The following MYT1L variants were observed in gnomAD, a reference collection of about 807,000 sequenced individuals.
MYT1L encodes myelin transcription factor 1-like protein.
In MYT1L, 12 loss-of-function variants were observed where a neutral mutation model predicts 126.7. That is an observed-to-expected ratio of 0.09 (90% confidence interval 0.06 to 0.15). The LOEUF is 0.15. Among genes scored for constraint, MYT1L ranks in the 10% least tolerant of loss-of-function variants. MYT1L has a pLI of 1.00. For missense variants in MYT1L, 979 were observed against 1,585.2 expected, an observed-to-expected ratio of 0.62 and a Z score of 6.49; for synonymous variants, 541 against 604.2, an observed-to-expected ratio of 0.90 and a Z score of 1.53.
chr2:1,994,018 C>T (rs1333368080), intron 5 of MYT1L, among the ~76,000 whole-genome samples: 3 of 152,198 alleles, frequency 2.0e-5, no homozygotes, highest in African/African-American at 7.2e-5. Context: ...CCTTTGCCCA[C>T]CTTATCTGTC....
At position 1,983,520 on chromosome 2, in the gene MYT1L, C is replaced by G. The variant is rs374218793; in HGVS notation, c.1-3743G>C. ...GGTTTTCATTTTCTAATGTGTGCAC[C>G]TGATGGTGTGTGGTCCTAAGGCAGC... On this transcript the variant is annotated intron_variant, in intron 5 of 24. Coordinates refer to ENST00000647738, the MANE Select transcript of MYT1L (RefSeq NM_001303052.2). 3.3e-5 allele frequency among the ~76,000 whole-genome samples: 5 copies of G among 152,190 alleles called. No individual in the cohort carries two copies. In the East Asian group the frequency reaches 9.6e-4, roughly 29 times the overall value.
At chr2:2,212,504 A>G (rs749803594) in intron 2 of MYT1L, among the ~76,000 whole-genome samples, 1 of 152,236 alleles carries the variant, frequency 6.6e-6, no homozygotes, top group Non-Finnish European at 1.5e-5. Flanking sequence ...ATTTTTGTTA[A>G]TTTAGTACAC....
chr2:2,055,773 A>C (rs2069447954), intron 3 of MYT1L, among the ~76,000 whole-genome samples: 1 of 152,250 alleles, frequency 6.6e-6, no homozygotes, highest in South Asian at 2.1e-4. Context: ...TTTTGCTTTC[A>C]TAAAATATTA....
At position 1,912,302 on chromosome 2, in the gene MYT1L, C is replaced by A. The variant is rs149948623; in HGVS notation, c.1619-192G>T. ...TTGACTGGACCCTACGGACCCTACA[C>A]GAAAGGCCAGAGAAAGAAGGTTGAC... On this transcript the variant is annotated intron_variant, in intron 11 of 24. Transcript: ENST00000647738. This position sits in a 1 kb window ranked among gnomAD's most constrained non-coding sequence, Gnocchi z 4.3. Among the ~76,000 whole-genome samples the A allele has an allele frequency of 6.6e-6, 1 of 152,066 alleles. No individual in the cohort carries two copies. The highest frequency in any genetic ancestry group is 2.4e-5 in the African/African-American group (1 of 41,394).
chr2:2,100,227 A>G (rs13019515), intron 3 of MYT1L, among the ~76,000 whole-genome samples: 40,805 of 151,974 alleles, frequency 0.27, 6,021 homozygotes, highest in African/African-American at 0.38. Flanking sequence ...TGGTTGAGAA[A>G]AAGCAAGAAT....
At chr2:2,314,575 G>A (rs1256531086) in intron 1 of MYT1L, among the ~76,000 whole-genome samples, 2 of 152,108 alleles carry the variant, frequency 1.3e-5, no homozygotes, top group Non-Finnish European at 2.9e-5. Flanking sequence ...TTAATTTTAA[G>A]TTCTGGGATA....
chr2:2,283,381 G>A (rs1478995647), intron 2 of MYT1L, among the ~76,000 whole-genome samples: 1 of 152,172 alleles, frequency 6.6e-6, no homozygotes, highest in Non-Finnish European at 1.5e-5. Flanking sequence ...CTGGCAGTTT[G>A]ACGTTAATGC....
rs529513242 is a variant in MYT1L at position 1,806,991 on chromosome 2, C to T, written c.3172+2085G>A. Reference sequence around the variant, plus strand: ...GCACTGCTCCGTAATAACTAGAAAGCGAAAGTTGGCTATCCTGGTGTCTCA... The same window carrying T: ...GCACTGCTCCGTAATAACTAGAAAGTGAAAGTTGGCTATCCTGGTGTCTCA... On this transcript the variant is annotated intron_variant, in intron 22 of 24. Transcript: ENST00000647738. The surrounding 1 kb of genome is among the most constrained non-coding windows in gnomAD (Gnocchi z 4.9). Among the ~76,000 whole-genome samples the T allele has an allele frequency of 7.6e-4, 115 of 152,294 alleles. No homozygotes were observed. Among genetic ancestry groups the T allele is most frequent in the African/African-American group, 2.4e-3 (101 of 41,574 alleles).
intron 9 of MYT1L, among the ~76,000 whole-genome samples, chr2:1,926,475 C>G (rs1031386378): frequency 6.6e-6 from 1 of 152,108 alleles, no homozygotes; most frequent in African/African-American, 2.4e-5. Context: ...ATTTTCTGGG[C>G]CAGTCTGGGG....
At chr2:2,306,693 A>G (rs1171244531) in intron 1 of MYT1L, among the ~76,000 whole-genome samples, 1 of 152,142 alleles carries the variant, frequency 6.6e-6, no homozygotes, top group Admixed American at 6.6e-5. Context: ...GGTCCCTCAA[A>G]TGATGGTGCT....
chr2:2,183,015 G>A (rs1023996238), intron 2 of MYT1L, among the ~76,000 whole-genome samples: 1 of 152,178 alleles, frequency 6.6e-6, no homozygotes, highest in Non-Finnish European at 1.5e-5. Context: ...GAGGTTTTCC[G>A]AGGAGCAGCA....
intron 3 of MYT1L, among the ~76,000 whole-genome samples, chr2:2,170,905 T>C (rs2089957543): frequency 6.6e-6 from 1 of 152,194 alleles, no homozygotes; most frequent in Non-Finnish European, 1.5e-5. Context: ...TGATGAGGAC[T>C]GAATGAAGAG....
chr2:1,921,600 T>C (rs2053575513), intron 10 of MYT1L, among the ~76,000 whole-genome samples: 1 of 152,214 alleles, frequency 6.6e-6, no homozygotes, highest in African/African-American at 2.4e-5. Flanking sequence ...CATAACTGTT[T>C]CCACAATGGA....
At chr2:2,132,296 C>T (rs187899150) in intron 3 of MYT1L, among the ~76,000 whole-genome samples, 88 of 152,184 alleles carry the variant, frequency 5.8e-4, no homozygotes, top group African/African-American at 2.0e-3. Flanking sequence ...TATTGCAGCA[C>T]TATTTACAAT....
intron 4 of MYT1L, among the ~76,000 whole-genome samples, chr2:2,000,077 A>C (rs1309519881): frequency 1.3e-5 from 2 of 152,232 alleles, no homozygotes; most frequent in Admixed American, 6.5e-5. Context: ...ACGTTATTCT[A>C]ATCAGAAGGT....
At chr2:2,117,446 T>A (rs927318651) in intron 3 of MYT1L, among the ~76,000 whole-genome samples, 1 of 152,090 alleles carries the variant, frequency 6.6e-6, no homozygotes, top group Non-Finnish European at 1.5e-5. Flanking sequence ...GTGGGCATCG[T>A]TGGATCAGCA....
At chr2:2,302,600 T>G (rs924936951) in intron 1 of MYT1L, among the ~76,000 whole-genome samples, 2 of 152,228 alleles carry the variant, frequency 1.3e-5, no homozygotes, top group African/African-American at 4.8e-5. Flanking sequence ...CTGCTTACAA[T>G]GAACAATGAG....
chr2:1,964,139 C>G (rs144730902), intron 8 of MYT1L, among the ~76,000 whole-genome samples: 1 of 152,118 alleles, frequency 6.6e-6, no homozygotes, highest in Non-Finnish European at 1.5e-5. Context: ...ATTATTGTGT[C>G]TCAGGGAATA....
intron 3 of MYT1L, among the ~76,000 whole-genome samples, chr2:2,139,288 GC>G (rs1389056433): frequency 1.3e-5 from 2 of 151,972 alleles, no homozygotes; most frequent in Admixed American, 1.3e-4. Flanking sequence ...TTAAACTGTA[GC>G]TGCCAGAGTG....
Sources: allele counts gnomAD v4.1 joint callset (sites outside exome capture counted in the v4.1 genomes callset), GRCh38; gene constraint gnomAD v4.1.1; non-coding constraint Gnocchi (gnomAD v3.1); transcripts MANE v1.5; gene names NCBI Gene and HGNC (gene_info 2026-07-23, HGNC 2026-07-21).